NUDCD1: variants seen among roughly 807,000 people sequenced by gnomAD.
NUDCD1 encodes nudC domain-containing protein 1.
In NUDCD1, 60 loss-of-function variants were observed where a neutral mutation model predicts 67.8. The observed-to-expected ratio is 0.88, with a 90% CI of 0.72 to 1.10. The LOEUF is 1.10. Among genes scored for constraint, NUDCD1 ranks in the 50% least tolerant of loss-of-function variants. The pLI is 0.00. For synonymous variants in NUDCD1, 244 were observed against 230.8 expected, an observed-to-expected ratio of 1.06 and a Z score of -0.52; for missense variants, 643 against 695.0, an observed-to-expected ratio of 0.93 and a Z score of 0.84.
At chr8:109,331,691 C>A (rs544499442) in intron 1 of NUDCD1, among the ~76,000 whole-genome samples, 1 of 152,202 alleles carries the variant, frequency 6.6e-6, no homozygotes, top group Non-Finnish European at 1.5e-5. Context: ...GATTTTGCTT[C>A]CTGCTTTTTT....
At chr8:109,279,610 C>G (rs1033813805) in intron 6 of NUDCD1, among the ~76,000 whole-genome samples, 6 of 151,678 alleles carry the variant, frequency 4.0e-5, no homozygotes, top group African/African-American at 1.5e-4. Context: ...CAGAAAATGT[C>G]TGTTTTGATG....
intron 3 of NUDCD1, among the ~76,000 whole-genome samples, chr8:109,294,569 A>G (rs1217390746): frequency 6.6e-6 from 1 of 152,130 alleles, no homozygotes; most frequent in Non-Finnish European, 1.5e-5. Flanking sequence ...AGGAACAAGT[A>G]GCTAGTTTAT....
intron 8 of NUDCD1, among the ~76,000 whole-genome samples, chr8:109,255,985 G>A (rs1290586936): frequency 1.3e-5 from 2 of 151,896 alleles, no homozygotes; most frequent in Non-Finnish European, 2.9e-5. Context: ...GAAGTGGAAA[G>A]ATTACTTGAA....
At chr8:109,249,919 C>T (rs1054868312) in intron 8 of NUDCD1, among the ~76,000 whole-genome samples, 7 of 150,180 alleles carry the variant, frequency 4.7e-5, no homozygotes, top group African/African-American at 1.7e-4. Context: ...ATTCATGGCT[C>T]ACAGCAGCCT....
chr8:109,272,353 A>T (rs1216969773), intron 7 of NUDCD1, among the ~76,000 whole-genome samples: 1 of 133,556 alleles, frequency 7.5e-6, no homozygotes, highest in East Asian at 2.1e-4. Flanking sequence ...TGTAACCTCT[A>T]GAACCACTAA....
chr8:109,262,658 T>C (rs760412089), intron 8 of NUDCD1, among the ~76,000 whole-genome samples: 6 of 152,174 alleles, frequency 3.9e-5, no homozygotes, highest in Non-Finnish European at 8.8e-5. Context: ...CTCAACTATA[T>C]TGACCAAGGG....
chr8:109,333,933 A>G lies in NUDCD1; in HGVS notation c.78T>C (p.Ser26=). The change falls in exon 1 of 10, where the codon TCT becomes TCC. Residue 26 remains serine, a synonymous_variant. Transcript: ENST00000239690. ...LDPRFEGYKL[S]LEPLPCYQLE... is the part of the protein sequence containing the mutation. ...GCTGGTAACAAGGCAGCGGCTCAAG[A>G]GAGAGCTTGTAACCCTCGAAGCGGG... The G allele has an allele frequency of 6.2e-7, 1 of 1,614,174 alleles. No individual in the cohort carries two copies. The highest frequency in any genetic ancestry group is 1.1e-5 in the South Asian group (1 of 91,080).
chr8:109,243,224 A>G lies in NUDCD1; in HGVS notation c.1537T>C (p.Cys513Arg). The change falls in exon 10 of 10, where the codon TGC becomes CGC. Residue 513 changes from cysteine to arginine, a missense_variant. Coordinates refer to ENST00000239690, the MANE Select transcript of NUDCD1 (RefSeq NM_032869.4). ...CGATAGATGAATACTCGACGAAGGC[A>G]CTCACAAAGGGCTGCATACGAGTAA... The part of the protein sequence containing the change: ...PNYSYAALCE[C>R]LRRVFIYRQP... 6.2e-7 allele frequency: 1 copy of G among 1,613,550 alleles called. No individual in the cohort carries two copies. Among genetic ancestry groups the G allele is most frequent in the Non-Finnish European group, 8.5e-7 (1 of 1,179,550 alleles).
chr8:109,305,207 G>A (rs761743221), intron 2 of NUDCD1, among the ~76,000 whole-genome samples: 2 of 152,104 alleles, frequency 1.3e-5, no homozygotes, highest in African/African-American at 2.4e-5. Context: ...CACATGCCCC[G>A]AGTCAGGAAA....
chr8:109,325,900 A>C (rs1815671181), intron 1 of NUDCD1, among the ~76,000 whole-genome samples: 1 of 152,234 alleles, frequency 6.6e-6, no homozygotes, highest in South Asian at 2.1e-4. Context: ...TCTGGTTGAG[A>C]GATAATGGAA....
chr8:109,330,550 G>A (rs1312061487), intron 1 of NUDCD1, among the ~76,000 whole-genome samples: 3 of 152,116 alleles, frequency 2.0e-5, no homozygotes, highest in Non-Finnish European at 2.9e-5. Context: ...CTCATCATGT[G>A]AACTATTGCA....
intron 2 of NUDCD1, chr8:109,298,656 A>G (rs1216170988): frequency 1.3e-5 from 2 of 152,200 alleles, no homozygotes; most frequent in African/African-American, 2.4e-5. Flanking sequence ...AATATAACCC[A>G]GGGCTAATAT....
At chr8:109,316,901 T>C (rs1815413053) in intron 2 of NUDCD1, among the ~76,000 whole-genome samples, 1 of 152,184 alleles carries the variant, frequency 6.6e-6, no homozygotes, top group Non-Finnish European at 1.5e-5. Flanking sequence ...AGGTACAATA[T>C]GGTCTGAGAA....
chr8:109,252,371 T>C (rs930654778), intron 8 of NUDCD1, among the ~76,000 whole-genome samples: 3 of 152,092 alleles, frequency 2.0e-5, no homozygotes, highest in African/African-American at 4.8e-5. Flanking sequence ...TCTTTTCCTC[T>C]AGCTGCAATG....
At chr8:109,273,599 C>T (rs907125676) in intron 7 of NUDCD1, among the ~76,000 whole-genome samples, 1 of 151,914 alleles carries the variant, frequency 6.6e-6, no homozygotes, top group East Asian at 1.9e-4. Flanking sequence ...AAAACAAAGG[C>T]AATGGAAACA....
chr8:109,266,465 C>T (rs1054173959), intron 8 of NUDCD1, among the ~76,000 whole-genome samples: 3 of 143,734 alleles, frequency 2.1e-5, no homozygotes, highest in South Asian at 2.2e-4. Context: ...AGGATGGTCT[C>T]GATTTCCTGA....
chr8:109,300,655 TG>T (rs1019290261), intron 2 of NUDCD1, among the ~76,000 whole-genome samples: 1 of 152,128 alleles, frequency 6.6e-6, no homozygotes, highest in Non-Finnish European at 1.5e-5. Flanking sequence ...AAGAGAAATC[TG>T]AAAGTTTGGA....
intron 8 of NUDCD1, among the ~76,000 whole-genome samples, chr8:109,249,853 T>TTTC (rs1226907487): frequency 2.0e-5 from 3 of 150,910 alleles, no homozygotes; most frequent in Non-Finnish European, 4.4e-5. Flanking sequence ...AATTCTTTTT[T>TTTC]TTTTTTTTTT....
chr8:109,268,918 T>C lies in NUDCD1; in HGVS notation c.1299+2087A>G, dbSNP rs114660120. Among the ~76,000 whole-genome samples, 1,110 of 152,094 alleles carry C rather than the reference T, an allele frequency of 7.3e-3. 20 individuals carry two copies. The highest frequency in any genetic ancestry group is 0.026 in the African/African-American group (1,072 of 41,478). The stretch of plus-strand genomic sequence containing the variant: ...CTAAACAACATCTAGGAAGTAAAAC[T>C]CCTAAAAAATCAAAACAGCTCCAAT... On this transcript the variant is annotated intron_variant, in intron 8 of 9. Coordinates refer to ENST00000239690, the MANE Select transcript of NUDCD1 (RefSeq NM_032869.4).
Sources: gnomAD v4.1 joint callset for allele counts (sites outside exome capture counted in the v4.1 genomes callset) on GRCh38, gnomAD v4.1.1 for gene constraint, MANE v1.5 for transcripts, NCBI Gene and HGNC (gene_info 2026-07-23, HGNC 2026-07-21) for gene names.